The following FNDC3B variants were observed in gnomAD, a reference collection of about 807,000 sequenced individuals.
FNDC3B encodes fibronectin type III domain-containing protein 3B.
In FNDC3B, 12 loss-of-function variants were observed where a neutral mutation model predicts 151.5. The ratio of observed to expected loss-of-function variants is 0.08; its 90% CI spans 0.05 to 0.13. FNDC3B has a LOEUF of 0.13. Ranked by LOEUF, FNDC3B falls within the 10% of genes least tolerant of loss-of-function variation. The pLI, the probability that FNDC3B is intolerant of heterozygous loss-of-function variation, is 1.00. For synonymous variants in FNDC3B, 528 were observed against 549.0 expected, an observed-to-expected ratio of 0.96 and a Z score of 0.54; for missense variants, 1,214 against 1,505.3, an observed-to-expected ratio of 0.81 and a Z score of 3.20.
intron 11 of FNDC3B, among the ~76,000 whole-genome samples, chr3:172,311,956 T>A (rs139454726): frequency 1.4e-4 from 22 of 152,296 alleles, no homozygotes; most frequent in African/African-American, 5.3e-4. Flanking sequence ...GCCCCCACTT[T>A]ATGCTTTCTC....
intron 3 of FNDC3B, among the ~76,000 whole-genome samples, chr3:172,211,252 G>A (rs1461926992): frequency 6.6e-6 from 1 of 152,210 alleles, no homozygotes; most frequent in Non-Finnish European, 1.5e-5. Flanking sequence ...TGTAATTCAG[G>A]ATGAAGAAAC....
intron 17 of FNDC3B, among the ~76,000 whole-genome samples, chr3:172,342,195 C>T (rs1733360446): frequency 6.6e-6 from 1 of 152,196 alleles, no homozygotes; most frequent in Non-Finnish European, 1.5e-5. Flanking sequence ...GGCATCTAGA[C>T]TGCCCATGTA....
chr3:172,288,846 T>G (rs1440163519), intron 7 of FNDC3B, among the ~76,000 whole-genome samples: 1 of 152,226 alleles, frequency 6.6e-6, no homozygotes, highest in Non-Finnish European at 1.5e-5. Context: ...CTAACCACCC[T>G]GCATGTCTGG....
intron 1 of FNDC3B, among the ~76,000 whole-genome samples, chr3:172,079,746 C>G (rs1718188909): frequency 6.6e-6 from 1 of 152,142 alleles, no homozygotes; most frequent in African/African-American, 2.4e-5. Context: ...CTGATAAGGG[C>G]TTCTCCTCAT....
chr3:172,383,033 G>T (rs1001340241), intron 25 of FNDC3B, among the ~76,000 whole-genome samples: 6 of 152,180 alleles, frequency 3.9e-5, no homozygotes, highest in African/African-American at 1.4e-4. Flanking sequence ...GATGGGAATA[G>T]CATTGAATCT....
At chr3:172,273,926 G>GAGAT (rs146834573) in intron 6 of FNDC3B, among the ~76,000 whole-genome samples, 3,401 of 152,284 alleles carry the variant, frequency 0.022, 64 homozygotes, top group Middle Eastern at 0.068. Flanking sequence ...TTTATGGTCT[G>GAGAT]AGATAGTCTC....
chr3:172,288,703 C>G (rs1214134222), intron 7 of FNDC3B, among the ~76,000 whole-genome samples: 2 of 152,262 alleles, frequency 1.3e-5, no homozygotes, highest in Admixed American at 1.3e-4. Flanking sequence ...ATCTCATGCC[C>G]TTTTTAACAG....
At position 172,379,323 on chromosome 3, in the gene FNDC3B, C is replaced by G. The variant is rs376264086; in HGVS notation, c.3175+887C>G. Among the ~76,000 whole-genome samples the G allele has an allele frequency of 1.6e-4, 24 of 152,208 alleles. 1 individual carries two copies. The East Asian group carries it at 1.7e-3, about 11-fold the overall frequency. Reference sequence around the variant, plus strand: ...GCTATTGCTCAAAATAACCCTAAGGCTGACAGATAGCAGGGTAAGTACAAC... The same window carrying G: ...GCTATTGCTCAAAATAACCCTAAGGGTGACAGATAGCAGGGTAAGTACAAC... On this transcript the variant is annotated intron_variant, in intron 24 of 25. Transcript: ENST00000415807.
intron 3 of FNDC3B, among the ~76,000 whole-genome samples, chr3:172,177,783 C>T (rs1446758404): frequency 6.6e-6 from 1 of 151,824 alleles, no homozygotes; most frequent in Non-Finnish European, 1.5e-5. Context: ...GTTTGCTGCA[C>T]CTTAACCCAT....
intron 11 of FNDC3B, chr3:172,316,332 A>G (rs1731787879): frequency 2.2e-6 from 1 of 444,582 alleles, no homozygotes; most frequent in Non-Finnish European, 4.5e-6. Flanking sequence ...ATCACTATCT[A>G]GCAGAGGTGG....
At chr3:172,261,367 A>C (rs1003217723) in intron 6 of FNDC3B, among the ~76,000 whole-genome samples, 2 of 152,244 alleles carry the variant, frequency 1.3e-5, no homozygotes, top group South Asian at 2.1e-4. Context: ...CTTCTGTGGA[A>C]TGGAGCTCTA....
intron 25 of FNDC3B, among the ~76,000 whole-genome samples, chr3:172,394,117 A>AAAAAAAAAAAAAAAAAAAAAAC (rs1736158143): frequency 6.9e-6 from 1 of 145,602 alleles, no homozygotes; most frequent in Non-Finnish European, 1.5e-5. Context: ...AAAAAAAAAA[A>AAAAAAAAAAAAAAAAAAAAAAC]AAAAAAAAAA....
At chr3:172,336,936 TC>T (rs1733007048) in intron 15 of FNDC3B, among the ~76,000 whole-genome samples, 1 of 149,146 alleles carries the variant, frequency 6.7e-6, no homozygotes, top group African/African-American at 2.5e-5. Context: ...AAGAATCTAG[TC>T]ACTGATAAAA....
At chr3:172,072,621 C>T (rs143629408) in intron 1 of FNDC3B, among the ~76,000 whole-genome samples, 1 of 152,316 alleles carries the variant, frequency 6.6e-6, no homozygotes, top group East Asian at 1.9e-4. Flanking sequence ...GCATGATTTT[C>T]AGCCTTGTAG....
chr3:172,369,460 G>GA (rs886741292), intron 23 of FNDC3B, among the ~76,000 whole-genome samples: 3 of 145,524 alleles, frequency 2.1e-5, no homozygotes, highest in African/African-American at 5.1e-5. Context: ...AAAGTATACC[G>GA]AAAAAAAAGT....
At position 172,242,966 on chromosome 3, in the gene FNDC3B, C is replaced by T. The variant is rs1018450360; in HGVS notation, c.265-4567C>T. Among the ~76,000 whole-genome samples, 3 of 152,134 alleles carry T rather than the reference C, an allele frequency of 2.0e-5. No individual in the cohort carries two copies. The East Asian group carries it at 5.8e-4, about 29-fold the overall frequency. On this transcript the variant is annotated intron_variant, in intron 4 of 25. Transcript: ENST00000415807. ...TCTGCTGCTTAGAGATTTCTTCTGCCGGATACCCTAAATCATCTCTTTCAA... is the reference window on the plus strand; with the variant it reads ...TCTGCTGCTTAGAGATTTCTTCTGCTGGATACCCTAAATCATCTCTTTCAA...
At chr3:172,287,085 G>A (rs1017406138) in intron 7 of FNDC3B, among the ~76,000 whole-genome samples, 4 of 152,134 alleles carry the variant, frequency 2.6e-5, no homozygotes, top group Non-Finnish European at 4.4e-5. Flanking sequence ...CTCCTCTCAG[G>A]AATTGCTTCC....
At chr3:172,354,450 C>A (rs1733991775) in intron 22 of FNDC3B, among the ~76,000 whole-genome samples, 1 of 150,516 alleles carries the variant, frequency 6.6e-6, no homozygotes, top group South Asian at 2.1e-4. Flanking sequence ...ATTGGTATGC[C>A]CGTATCAGTA....
chr3:172,324,897 G>T (rs138150623), intron 11 of FNDC3B, among the ~76,000 whole-genome samples: 1 of 152,328 alleles, frequency 6.6e-6, no homozygotes, highest in Non-Finnish European at 1.5e-5. Flanking sequence ...TTCTGATCCT[G>T]ACTGCTCATG....
Sources: allele counts gnomAD v4.1 joint callset (sites outside exome capture counted in the v4.1 genomes callset), GRCh38; gene constraint gnomAD v4.1.1; transcripts MANE v1.5; gene names NCBI Gene and HGNC (gene_info 2026-07-23, HGNC 2026-07-21).